Variants in RBPMS observed in about 807,000 individuals in gnomAD.
RBPMS encodes the protein RNA-binding protein with multiple splicing.
In RBPMS, 7 loss-of-function variants were observed where a neutral mutation model predicts 26.8. The ratio of observed to expected loss-of-function variants is 0.26; its 90% CI spans 0.15 to 0.49. The LOEUF (loss-of-function observed/expected upper bound fraction) is 0.49, where lower values mean the gene tolerates loss of function less well. RBPMS is among the 20% of genes least tolerant of loss of function. The probability of loss-of-function intolerance (pLI) is 0.98; values close to 1 mark genes in which losing one functional copy is unlikely to be tolerated. For synonymous variants in RBPMS, 96 were observed against 93.3 expected (o/e 1.03, Z -0.17); for missense variants, 186 against 250.0 (o/e 0.74, Z 1.73).
chr8:30,468,273 C>T (rs898991111), intron 1 of RBPMS, among the ~76,000 whole-genome samples: 5 of 152,148 alleles, frequency 3.3e-5, no homozygotes, highest in Non-Finnish European at 7.4e-5. Flanking sequence ...GATAATTTTC[C>T]TGGTAACCAT....
intron 5 of RBPMS, among the ~76,000 whole-genome samples, chr8:30,518,062 G>A (rs561647998): frequency 6.6e-6 from 1 of 152,180 alleles, no homozygotes; most frequent in East Asian, 1.9e-4. Flanking sequence ...TGAATAGGAG[G>A]AAACTTTTCA....
chr8:30,548,170 G>A (rs971162306), intron 6 of RBPMS, among the ~76,000 whole-genome samples: 1 of 152,210 alleles, frequency 6.6e-6, no homozygotes, highest in Admixed American at 6.5e-5. Flanking sequence ...TATTTGAAAT[G>A]TGTTAATTAG....
chr8:30,459,791 T>C (rs1815682283), intron 1 of RBPMS, among the ~76,000 whole-genome samples: 1 of 152,236 alleles, frequency 6.6e-6, no homozygotes, highest in South Asian at 2.1e-4. Flanking sequence ...CCAGATTAAA[T>C]AGCTCAATAA....
intron 1 of RBPMS, among the ~76,000 whole-genome samples, chr8:30,441,849 GCA>G (rs1460067969): frequency 6.6e-6 from 1 of 152,182 alleles, no homozygotes; most frequent in Non-Finnish European, 1.5e-5. Flanking sequence ...GAGTTCAGTG[GCA>G]CAGTCTCGGC....
At chr8:30,492,173 T>G (rs1350326867) in intron 4 of RBPMS, among the ~76,000 whole-genome samples, 1 of 152,240 alleles carries the variant, frequency 6.6e-6, no homozygotes, top group African/African-American at 2.4e-5. Flanking sequence ...ATTACAGGTG[T>G]GAGCCACTGC....
intron 1 of RBPMS, among the ~76,000 whole-genome samples, chr8:30,419,430 A>G (rs1585399545): frequency 7.2e-6 from 1 of 138,320 alleles, no homozygotes. Flanking sequence ...TGGGCGACAG[A>G]GTGAGATTGC....
intron 1 of RBPMS, among the ~76,000 whole-genome samples, chr8:30,473,535 GC>G (rs1476194975): frequency 6.6e-6 from 1 of 152,140 alleles, no homozygotes; most frequent in African/African-American, 2.4e-5. Context: ...AGACAGTATG[GC>G]GATTCCTCAA....
At chr8:30,386,985 G>T (rs1807183242) in intron 1 of RBPMS, 1 of 152,042 alleles carries the variant, frequency 6.6e-6, no homozygotes, top group African/African-American at 2.4e-5. Context: ...AGGACCAAGG[G>T]ATTGCCTGCC....
intron 1 of RBPMS, among the ~76,000 whole-genome samples, chr8:30,415,155 G>T (rs1324614416): frequency 1.3e-5 from 2 of 152,054 alleles, no homozygotes; most frequent in Non-Finnish European, 2.9e-5. Flanking sequence ...CTCCTCTCTA[G>T]GAGTCACAGC....
intron 7 of RBPMS, among the ~76,000 whole-genome samples, chr8:30,560,092 C>T (rs1348219770): frequency 3.3e-5 from 5 of 152,246 alleles, no homozygotes; most frequent in South Asian, 2.1e-4. Context: ...GCTGAACTCG[C>T]GCAGGTCAGT....
intron 3 of RBPMS, among the ~76,000 whole-genome samples, chr8:30,478,678 G>A (rs1483722701): frequency 6.6e-6 from 1 of 151,952 alleles, no homozygotes; most frequent in Non-Finnish European, 1.5e-5. Context: ...TTTTGTATTT[G>A]TAGTAGAGAC....
At chr8:30,392,761 C>A (rs1807929745) in intron 1 of RBPMS, among the ~76,000 whole-genome samples, 1 of 152,068 alleles carries the variant, frequency 6.6e-6, no homozygotes, top group South Asian at 2.1e-4. Context: ...TGGGTTTCTC[C>A]TTCGGGTGGC....
At chr8:30,479,181 C>A in intron 3 of RBPMS, 134 bp from the exon 4 acceptor site, 1 of 672,368 alleles carries the variant, frequency 1.5e-6, no homozygotes, top group Non-Finnish European at 2.6e-6. Context: ...TTCTTCGGGA[C>A]TTCGCTTTCT....
intron 1 of RBPMS, among the ~76,000 whole-genome samples, chr8:30,387,622 T>A (rs1378675975): frequency 6.6e-6 from 1 of 151,936 alleles, no homozygotes; most frequent in Non-Finnish European, 1.5e-5. Flanking sequence ...AGAGGAAAAA[T>A]GTGTTTCGTT....
At chr8:30,424,789 G>T (rs1175464475) in intron 1 of RBPMS, among the ~76,000 whole-genome samples, 1 of 152,162 alleles carries the variant, frequency 6.6e-6, no homozygotes, top group East Asian at 1.9e-4. Flanking sequence ...GCGGTGCTCA[G>T]TGATCAGTGA....
At chr8:30,429,164 A>G (rs1175349933) in intron 1 of RBPMS, among the ~76,000 whole-genome samples, 1 of 152,172 alleles carries the variant, frequency 6.6e-6, no homozygotes, top group African/African-American at 2.4e-5. Context: ...TGCTTTACAG[A>G]TGAGGAAACT....
intron 1 of RBPMS, among the ~76,000 whole-genome samples, chr8:30,460,027 G>T (rs1487044307): frequency 6.6e-6 from 1 of 152,058 alleles, no homozygotes; most frequent in Non-Finnish European, 1.5e-5. Context: ...ACTTAATATT[G>T]ACTTGATTCA....
At chr8:30,518,420 GTTATTTATTTAT>G (rs543639993) in intron 5 of RBPMS, among the ~76,000 whole-genome samples, 28 of 151,200 alleles carry the variant, frequency 1.9e-4, no homozygotes, top group Non-Finnish European at 3.4e-4. Flanking sequence ...TCATTCATTG[GTTATTTATTTAT>G]TTATTTATTT....
chr8:30,549,380 C>T (rs1438356352), intron 6 of RBPMS: 5 of 808,896 alleles, frequency 6.2e-6, no homozygotes, highest in Admixed American at 5.6e-5. Flanking sequence ...CGGAAAACGA[C>T]AGCTTTGAAG....
Sources: gnomAD v4.1 joint callset for allele counts (sites outside exome capture counted in the v4.1 genomes callset) on GRCh38, gnomAD v4.1.1 for gene constraint, MANE v1.5 for transcripts, NCBI Gene and HGNC (gene_info 2026-07-23, HGNC 2026-07-21) for gene names.